The following CCZ1 variants were observed in gnomAD, a reference collection of about 807,000 sequenced individuals.
CCZ1 encodes the protein CCZ1 vacuolar protein trafficking and biogenesis associated, also known as vacuolar fusion protein CCZ1 homolog.
In CCZ1, 19 loss-of-function variants were observed where a neutral mutation model predicts 57.8. The observed-to-expected ratio is 0.33, with a 90% CI of 0.23 to 0.48. CCZ1 has a LOEUF of 0.48. Among genes scored for constraint, CCZ1 ranks in the 20% least tolerant of loss-of-function variants. The pLI is 0.99. For synonymous variants in CCZ1, 81 were observed against 167.0 expected, an observed-to-expected ratio of 0.49 and a Z score of 3.97; for missense variants, 200 against 492.0, an observed-to-expected ratio of 0.41 and a Z score of 5.61.
At chr7:5,906,276 C>T (rs181799842) in intron 7 of CCZ1, among the ~76,000 whole-genome samples, 17 of 147,122 alleles carry the variant, frequency 1.2e-4, no homozygotes, top group Admixed American at 3.4e-4. Context: ...TGTTCTGGGA[C>T]CCTCAAGTTT....
intron 8 of CCZ1, among the ~76,000 whole-genome samples, chr7:5,910,541 T>C (rs1196843337): frequency 6.8e-6 from 1 of 146,150 alleles, no homozygotes; most frequent in Non-Finnish European, 1.5e-5. Flanking sequence ...TTGGCCAGGC[T>C]GGTCTCGAAC....
At position 5,905,713 on chromosome 7, in the gene CCZ1, C is replaced by G. The variant is rs1451183040; in HGVS notation, c.698+444C>G. On this transcript the variant is annotated intron_variant, in intron 7 of 14. Transcript: ENST00000325974. ...AGGAGAATCACTTGAACCCGGGAGG[C>G]GGAGGTTGCAGTGAGCCGAGATGGC... Among the ~76,000 whole-genome samples the G allele has an allele frequency of 4.1e-4, 46 of 110,972 alleles. 3 individuals are homozygous for G. In the East Asian group the frequency reaches 0.016, roughly 39 times the overall value. The allele number at this position is 110,972 out of a possible 152,430, so 72.8% of individuals were successfully genotyped here.
At chr7:5,910,834 C>G (rs1437051839) in intron 8 of CCZ1, among the ~76,000 whole-genome samples, 1 of 147,446 alleles carries the variant, frequency 6.8e-6, no homozygotes, top group Non-Finnish European at 1.5e-5. Flanking sequence ...TTCCTGGATT[C>G]AAACAATTCT....
At chr7:5,909,799 G>T (rs866548163) in intron 7 of CCZ1, among the ~76,000 whole-genome samples, 3 of 150,386 alleles carry the variant, frequency 2.0e-5, no homozygotes, top group Non-Finnish European at 4.4e-5. Flanking sequence ...CGTAAATTCA[G>T]ATTTACCTCA....
chr7:5,906,853 G>A (rs376040850), intron 7 of CCZ1, among the ~76,000 whole-genome samples: 12 of 150,016 alleles, frequency 8.0e-5, no homozygotes, highest in South Asian at 4.2e-4. Flanking sequence ...CAGAAATTTC[G>A]GGTGAAACCC....
chr7:5,899,837 T>C (rs892673279), intron 1 of CCZ1, among the ~76,000 whole-genome samples: 19 of 151,552 alleles, frequency 1.3e-4, no homozygotes, highest in Non-Finnish European at 2.2e-4. Flanking sequence ...CAGGGAGCTA[T>C]GTGTCTGCAG....
At chr7:5,916,514 TTTTTTGGTTTTTTGG>T in intron 10 of CCZ1, among the ~76,000 whole-genome samples, 3 of 128,136 alleles carry the variant, frequency 2.3e-5, no homozygotes, top group African/African-American at 9.1e-5. Context: ...TGTTTTTTTT[TTTTTTGGTTTTTTGG>T]TTTTTGAGAT....
At chr7:5,907,819 AGGC>A (rs1213248154) in intron 7 of CCZ1, among the ~76,000 whole-genome samples, 556 of 47,448 alleles carry the variant, frequency 0.012, 5 homozygotes, top group Middle Eastern at 0.036. Context: ...CAAGCAAAAC[AGGC>A]GCCAATGCTT....
chr7:5,901,675 G>T lies in CCZ1; in HGVS notation c.409G>T (p.Val137Leu), dbSNP rs770346082. The T allele has an allele frequency of 1.3e-6, 2 of 1,598,744 alleles. No individual in the cohort carries two copies. Among genetic ancestry groups the T allele is most frequent in the African/African-American group, 2.8e-5 (2 of 72,636 alleles). Reference protein sequence around the residue: ...EELLDKVYSSVLRQCYSMYKL... With the variant: ...EELLDKVYSSLLRQCYSMYKL... Reference sequence around the variant, plus strand: ...TCTGCAGGACAAGGTTTATAGCTCGGTGCTGCGGCAGTGCTACAGCATGTA... The same window carrying T: ...TCTGCAGGACAAGGTTTATAGCTCGTTGCTGCGGCAGTGCTACAGCATGTA... The change falls in exon 5 of 15, where the codon GTG (valine) becomes TTG (leucine). Residue 137 changes from valine (V) to leucine (L), a missense_variant. Physicochemically the swap from Val to Leu is conservative, Grantham distance 32 (BLOSUM62 1). Transcript: ENST00000325974.
At chr7:5,905,324 G>C in intron 7 of CCZ1, 55 bp downstream of exon 7, 1 of 1,024,274 alleles carries the variant, frequency 9.8e-7, no homozygotes, top group Non-Finnish European at 1.4e-6. Context: ...AATAAAAACA[G>C]CAGTGACTGG....
intron 10 of CCZ1, among the ~76,000 whole-genome samples, chr7:5,914,573 TAAGAC>T (rs146142294): frequency 0.096 from 14,325 of 148,830 alleles, 1,330 homozygotes; most frequent in Non-Finnish European, 0.13. Context: ...CAACCACAGA[TAAGAC>T]AAAAGAAAGA....
chr7:5,909,910 G>A (rs1262900001), intron 7 of CCZ1, 125 bp from the exon 8 acceptor site: 1 of 692,572 alleles, frequency 1.4e-6, no homozygotes, highest in Non-Finnish European at 2.4e-6. Flanking sequence ...TAAAAAGTTA[G>A]AATTTATTCT....
intron 10 of CCZ1, among the ~76,000 whole-genome samples, chr7:5,916,706 C>T (rs1779156869): frequency 6.8e-6 from 1 of 147,296 alleles, no homozygotes; most frequent in African/African-American, 2.7e-5. Flanking sequence ...TGGGGGTTGG[C>T]CACAGAGACA....
chr7:5,904,866 G>A (rs1306199408), intron 6 of CCZ1, among the ~76,000 whole-genome samples: 1 of 148,138 alleles, frequency 6.8e-6, no homozygotes, highest in Non-Finnish European at 1.5e-5. Flanking sequence ...ACACAATACT[G>A]AATAAACATT....
chr7:5,925,417 A>G (rs1015582826), intron 14 of CCZ1: 4 of 493,250 alleles, frequency 8.1e-6, no homozygotes, highest in African/African-American at 2.3e-5. Flanking sequence ...CAGTGAGCCA[A>G]GATCACACCA....
rs796634159 is a variant in CCZ1, at chr7:5,909,315, C to T, written c.699-720C>T. ...ACTCAGGAGGCTGAGGTGGGAGGTT[C>T]GCTTGAGCCTGGGAATCGGTGGCTG... On this transcript the variant is annotated intron_variant, in intron 7 of 14. Transcript: ENST00000325974. Among the ~76,000 whole-genome samples the T allele has an allele frequency of 8.6e-5, 13 of 150,658 alleles. 2 individuals are homozygous for T. Among genetic ancestry groups the T allele is most frequent in the Admixed American group, 3.9e-4 (6 of 15,194 alleles).
intron 3 of CCZ1, 81 bp from the exon 4 acceptor site, chr7:5,900,774 T>C: frequency 6.3e-7 from 1 of 1,577,550 alleles, no homozygotes; most frequent in Non-Finnish European, 8.6e-7. Flanking sequence ...TGCTGTAGCA[T>C]GTTCAAAGTT....
chr7:5,903,409 T>C (rs1267410103), intron 6 of CCZ1, among the ~76,000 whole-genome samples: 1 of 146,108 alleles, frequency 6.8e-6, no homozygotes, highest in Non-Finnish European at 1.5e-5. Flanking sequence ...ATGAGCCAAC[T>C]CGCCCAGCCT....
rs1237166453 is a variant in CCZ1, at chr7:5,923,403, CAGTTTA to C, written c.1130_1135del (p.Lys377_Phe378del). On this transcript the variant is annotated inframe_deletion, in exon 13 of 15. Transcript: ENST00000325974. ...TTTTCACAGGTCTGAGAAAGAACCCCAGTTTAAGTTTATCTACTTCAACCACATGAA... is the reference window on the plus strand; with the variant it reads ...TTTTCACAGGTCTGAGAAAGAACCCCAGTTTATCTACTTCAACCACATGAA... 205 of 294,660 alleles carry C rather than the reference CAGTTTA, an allele frequency of 7.0e-4. No individual in the cohort carries two copies. Among genetic ancestry groups the C allele is most frequent in the South Asian group, 2.8e-3 (116 of 41,526 alleles). The allele number at this position is 294,660 out of a possible 1,614,324, so 18.3% of individuals were successfully genotyped here. A position where few individuals can be genotyped will look rare whatever the true frequency, so the allele number is the denominator to read the frequency against.
Sources: allele counts gnomAD v4.1 joint callset (sites outside exome capture counted in the v4.1 genomes callset), GRCh38; gene constraint gnomAD v4.1.1; transcripts MANE v1.5; gene names NCBI Gene and HGNC (gene_info 2026-07-23, HGNC 2026-07-21).